The following LRMDA variants were observed in gnomAD, a reference collection of about 807,000 sequenced individuals.
LRMDA encodes the protein leucine rich melanocyte differentiation associated.
LRMDA carries 18 observed loss-of-function variants against 29.8 expected under a neutral mutation model. The observed-to-expected ratio is 0.60, with a 90% CI of 0.42 to 0.90. The LOEUF (loss-of-function observed/expected upper bound fraction) is 0.90, where lower values mean the gene tolerates loss of function less well. Ranked by LOEUF, LRMDA falls within the 40% of genes least tolerant of loss-of-function variation. The probability of loss-of-function intolerance (pLI) is 0.00; values close to 1 mark genes in which losing one functional copy is unlikely to be tolerated. For synonymous variants in LRMDA, 125 were observed against 109.4 expected, an observed-to-expected ratio of 1.14 and a Z score of -0.89; for missense variants, 273 against 273.9, an observed-to-expected ratio of 1.00 and a Z score of 0.02.
intron 2 of LRMDA, among the ~76,000 whole-genome samples, chr10:75,813,591 G>A (rs1844002115): frequency 6.6e-6 from 1 of 152,144 alleles, no homozygotes. Context: ...ATGCTCTTTG[G>A]ACGACGTGGG....
intron 2 of LRMDA, among the ~76,000 whole-genome samples, chr10:75,485,292 A>G (rs1844897766): frequency 6.6e-6 from 1 of 152,178 alleles, no homozygotes; most frequent in South Asian, 2.1e-4. Flanking sequence ...GGGGTTCTAT[A>G]TACAGTCACA....
chr10:76,503,931 AG>A (rs1842936011), intron 6 of LRMDA, among the ~76,000 whole-genome samples: 1 of 149,052 alleles, frequency 6.7e-6, no homozygotes, highest in South Asian at 2.1e-4. Flanking sequence ...TGTTAACTTG[AG>A]GTCTTTCTAA....
At chr10:76,208,379 C>T (rs1007656381) in intron 5 of LRMDA, among the ~76,000 whole-genome samples, 1 of 152,104 alleles carries the variant, frequency 6.6e-6, no homozygotes, top group African/African-American at 2.4e-5. Context: ...TTAAAGAAAC[C>T]CTAAACTGGA....
chr10:75,607,709 G>A (rs1290079706), intron 2 of LRMDA, among the ~76,000 whole-genome samples: 1 of 151,906 alleles, frequency 6.6e-6, no homozygotes, highest in Non-Finnish European at 1.5e-5. Context: ...TTCCTCATGT[G>A]CAAGCAAGTG....
At chr10:75,820,443 A>G (rs1030351575) in intron 2 of LRMDA, among the ~76,000 whole-genome samples, 5 of 152,208 alleles carry the variant, frequency 3.3e-5, no homozygotes, top group South Asian at 2.1e-4. Flanking sequence ...AAAAAACCCA[A>G]TTTTCTGAAA....
intron 6 of LRMDA, among the ~76,000 whole-genome samples, chr10:76,552,752 A>G (rs1404116542): frequency 6.6e-6 from 1 of 152,114 alleles, no homozygotes; most frequent in Non-Finnish European, 1.5e-5. Context: ...TAAATAGACT[A>G]TTGAACTGCA....
intron 6 of LRMDA, among the ~76,000 whole-genome samples, chr10:76,390,279 T>C (rs552475586): frequency 6.6e-6 from 1 of 152,334 alleles, no homozygotes; most frequent in South Asian, 2.1e-4. Context: ...GCCATTTGTA[T>C]ACTTTCTTTG....
chr10:76,306,141 C>T (rs1025406947), intron 5 of LRMDA, among the ~76,000 whole-genome samples: 1 of 152,184 alleles, frequency 6.6e-6, no homozygotes, highest in Non-Finnish European at 1.5e-5. Context: ...GTTTGGAACT[C>T]AGAGTTTTTT....
At chr10:76,437,152 G>C (rs1424046555) in intron 6 of LRMDA, among the ~76,000 whole-genome samples, 1 of 152,232 alleles carries the variant, frequency 6.6e-6, no homozygotes. Context: ...ACAGCTGGAA[G>C]AAATAGAAGG....
rs116541282 is a variant in LRMDA, at chr10:75,486,957, G to C, written c.131+48463G>C. 1.5e-3 allele frequency among the ~76,000 whole-genome samples: 230 copies of C among 152,340 alleles called. 1 individual carries two copies. The highest frequency in any genetic ancestry group is 5.0e-3 in the African/African-American group (206 of 41,574). ...CTGAAATTGGCACGCACCTCAGTTT[G>C]ATAGCATTAGCTCAGTTTTTGAACA... On this transcript the variant is annotated intron_variant, in intron 2 of 6. Coordinates refer to ENST00000611255, the MANE Select transcript of LRMDA (RefSeq NM_001305581.2).
At chr10:75,773,469 G>C (rs1426307940) in intron 2 of LRMDA, among the ~76,000 whole-genome samples, 1 of 152,158 alleles carries the variant, frequency 6.6e-6, no homozygotes, top group Non-Finnish European at 1.5e-5. Context: ...CAGGTCTGGT[G>C]AGAGGGGACA....
intron 2 of LRMDA, among the ~76,000 whole-genome samples, chr10:75,838,806 T>G (rs1402232233): frequency 6.6e-6 from 1 of 152,232 alleles, no homozygotes; most frequent in Non-Finnish European, 1.5e-5. Flanking sequence ...TGGTTTAAAG[T>G]CCTGCCCAGT....
At chr10:76,356,267 A>C (rs1841238568) in intron 6 of LRMDA, among the ~76,000 whole-genome samples, 1 of 152,218 alleles carries the variant, frequency 6.6e-6, no homozygotes, top group Non-Finnish European at 1.5e-5. Context: ...ATATAACCAT[A>C]GAACGCTAGT....
At chr10:76,349,498 T>C (rs1198337247) in intron 6 of LRMDA, among the ~76,000 whole-genome samples, 1 of 152,122 alleles carries the variant, frequency 6.6e-6, no homozygotes, top group African/African-American at 2.4e-5. Flanking sequence ...CCTAGTATCT[T>C]TCTATGTAGA....
intron 5 of LRMDA, among the ~76,000 whole-genome samples, chr10:76,238,715 A>G (rs1360042575): frequency 6.7e-6 from 1 of 148,680 alleles, no homozygotes; most frequent in Non-Finnish European, 1.5e-5. Context: ...TCAACAATGT[A>G]ATAATAATAA....
At chr10:76,180,206 A>G (rs1277811334) in intron 5 of LRMDA, among the ~76,000 whole-genome samples, 2 of 151,742 alleles carry the variant, frequency 1.3e-5, no homozygotes, top group Admixed American at 1.3e-4. Context: ...CAGTCCCAGG[A>G]TAGAAAGACT....
At chr10:76,306,047 G>C (rs1208055850) in intron 5 of LRMDA, among the ~76,000 whole-genome samples, 1 of 152,066 alleles carries the variant, frequency 6.6e-6, no homozygotes. Context: ...TAATAATGTA[G>C]AGTCCTTATC....
intron 5 of LRMDA, among the ~76,000 whole-genome samples, chr10:76,266,792 T>G (rs530700885): frequency 1.6e-4 from 24 of 152,316 alleles, no homozygotes; most frequent in African/African-American, 5.8e-4. Flanking sequence ...CCTAGTATAT[T>G]TACATACATT....
At chr10:75,448,019 T>C (rs1027891721) in intron 2 of LRMDA, among the ~76,000 whole-genome samples, 2 of 152,162 alleles carry the variant, frequency 1.3e-5, no homozygotes, top group African/African-American at 2.4e-5. Flanking sequence ...CCTGGATTTC[T>C]ACCCAGAGAA....
Sources: gnomAD v4.1 joint callset for allele counts (sites outside exome capture counted in the v4.1 genomes callset) on GRCh38, gnomAD v4.1.1 for gene constraint, MANE v1.5 for transcripts, NCBI Gene and HGNC (gene_info 2026-07-23, HGNC 2026-07-21) for gene names.